The following RPGR variants were observed in gnomAD, a reference collection of about 807,000 sequenced individuals.
The protein encoded by RPGR is retinitis pigmentosa GTPase regulator, also known as X-linked retinitis pigmentosa GTPase regulator.
A neutral mutation model predicts 56.3 loss-of-function variants in RPGR; 10 were observed. The ratio of observed to expected loss-of-function variants is 0.18; its 90% CI spans 0.11 to 0.30. The LOEUF (loss-of-function observed/expected upper bound fraction) is 0.30. RPGR is among the 10% of genes least tolerant of loss of function. The pLI is 1.00. For synonymous variants in RPGR, 197 were observed against 212.9 expected (o/e 0.93, Z 0.65); for missense variants, 538 against 590.9 (o/e 0.91, Z 0.93).
chrX:38,273,422 T>C lies in RPGR; in HGVS notation c.2205A>G (p.Glu735=). The change falls in exon 18 of 19, where the codon GAA becomes GAG. Residue 735 remains glutamate (E), a synonymous_variant. Transcript: ENST00000642395. ...TTTTCATGTCTTTGCTTGGTGTTGT[T>C]TCACTGTTTTCTAGGATTTCTAATG... The C allele has an allele frequency of 1.7e-6, 2 of 1,206,708 alleles. No homozygotes were observed. The highest frequency in any genetic ancestry group is 2.2e-6 in the Non-Finnish European group (2 of 892,290).
At chrX:38,288,381 A>G (rs2067227381) in intron 13 of RPGR, among the ~76,000 whole-genome samples, 1 of 112,028 alleles carries the variant, frequency 8.9e-6, no homozygotes, top group South Asian at 3.7e-4. Context: ...TAAAACTTCG[A>G]GATTAATTTT....
chrX:38,299,212 A>T (rs1420638125), intron 9 of RPGR, 71 bp from the exon 10 acceptor site: 2 of 1,065,577 alleles, frequency 1.9e-6, no homozygotes, highest in Non-Finnish European at 2.6e-6. Context: ...AACAGTTATC[A>T]GCTGTAAGAC....
chrX:38,276,100 C>T (rs1028038657), intron 16 of RPGR, among the ~76,000 whole-genome samples: 1 of 111,920 alleles, frequency 8.9e-6, no homozygotes, highest in Admixed American at 9.5e-5. Context: ...TTCTCCTATT[C>T]CTTCTATACA....
At position 38,327,024 on chromosome X, in the gene RPGR, T is replaced by C. The variant is rs868226369; in HGVS notation, c.28+316A>G. The C allele has an allele frequency of 3.6e-4, 93 of 257,766 alleles. 2 individuals are homozygous for C. Among genetic ancestry groups the C allele is most frequent in the Middle Eastern group, 2.3e-3 (2 of 886 alleles). 21.2% of individuals were successfully genotyped at this position (257,766 alleles called of 1,213,427 possible). ...GTGAGCCGAGATTGCGCCATTGCAC[T>C]CCAGCCTGGGCAACAAGAGTGAAAC... On this transcript the variant is annotated intron_variant, in intron 1 of 18. Coordinates refer to ENST00000642395, the MANE Select transcript of RPGR (RefSeq NM_000328.3).
chrX:38,273,255 C>T, intron 18 of RPGR: 1 of 484,453 alleles, frequency 2.1e-6, no homozygotes, highest in South Asian at 3.0e-5. Context: ...TGCGACATCA[C>T]CTGAAATTCT....
intron 18 of RPGR, among the ~76,000 whole-genome samples, chrX:38,271,452 T>C (rs1268291950): frequency 1.8e-5 from 2 of 112,157 alleles, no homozygotes; most frequent in African/African-American, 3.2e-5. Flanking sequence ...TCAGAGGTCA[T>C]TAAGAACTGA....
At chrX:38,312,996 C>G (rs2067750659) in intron 6 of RPGR, among the ~76,000 whole-genome samples, 1 of 110,899 alleles carries the variant, frequency 9.0e-6, no homozygotes, top group Non-Finnish European at 1.9e-5. Context: ...GTTTACATTC[C>G]TTTAGGATCC....
At chrX:38,296,461 A>G (rs888637589) in intron 11 of RPGR, among the ~76,000 whole-genome samples, 1 of 112,055 alleles carries the variant, frequency 8.9e-6, no homozygotes, top group African/African-American at 3.2e-5. Context: ...CACTCCTAAG[A>G]TACACAAATA....
In RPGR at chrX:38,281,981, T is replaced by C. The variant is rs139445174; in HGVS notation, c.1905+5113A>G. On this transcript the variant is annotated intron_variant, in intron 15 of 18. Coordinates refer to ENST00000642395, the MANE Select transcript of RPGR (RefSeq NM_000328.3). The stretch of plus-strand genomic sequence containing the variant: ...CTTTTGGTTCATAAGCTCACATCAA[T>C]AACACTCTATTCTTATGTATATATT... Among the ~76,000 whole-genome samples the C allele has an allele frequency of 2.7e-3, 304 of 111,873 alleles. 2 individuals are homozygous for C. Among genetic ancestry groups the C allele is most frequent in the African/African-American group, 9.5e-3 (293 of 30,788 alleles).
chrX:38,280,119 G>C (rs1388253565), intron 15 of RPGR, among the ~76,000 whole-genome samples: 1 of 110,761 alleles, frequency 9.0e-6, no homozygotes, highest in Non-Finnish European at 1.9e-5. Context: ...AATAACATTA[G>C]CAATACCTAC....
chrX:38,323,402 T>C lies in RPGR; in HGVS notation c.151A>G (p.Thr51Ala), dbSNP rs757275147. ...TATTCAGGATTGTAATACTAACCGG[T>C]AACAACAGCAGAATGTTCATCTCCA... Residue 51 changes from threonine to alanine, a missense_variant, in exon 2 of 19, where the codon ACC becomes GCC. Around this residue, in one of 2 missense-constraint regions of RPGR, gnomAD observed 181 missense variants for 265.1 expected, o/e 0.68. Coordinates refer to ENST00000642395, the MANE Select transcript of RPGR (RefSeq NM_000328.3). The C allele has an allele frequency of 6.6e-6, 8 of 1,205,080 alleles. No individual in the cohort carries two copies. The highest frequency in any genetic ancestry group is 9.0e-6 in the Non-Finnish European group (8 of 889,906).
At chrX:38,324,208 G>A (rs1372912264) in intron 1 of RPGR, among the ~76,000 whole-genome samples, 2 of 111,710 alleles carry the variant, frequency 1.8e-5, no homozygotes, top group Non-Finnish European at 3.8e-5. Flanking sequence ...CTCAGCCTCT[G>A]GAGTAGCTAG....
rs2067203351 is a variant in RPGR, at chrX:38,287,238, T to C, written c.1761A>G (p.Pro587=). The change falls in exon 15 of 19, where the codon CCA becomes CCG. Residue 587 remains proline (P), a synonymous_variant. Transcript: ENST00000642395. ...AATCCTCTGCTCCTTCCTTCTCCTC[T>C]GGGATCTCTGACAAGCGATCACATT... 3 of 1,210,090 alleles carry C rather than the reference T, an allele frequency of 2.5e-6. No homozygotes were observed. The highest frequency in any genetic ancestry group is 1.7e-5 in the African/African-American group (1 of 57,842).
chrX:38,288,304 G>T (rs1473243632), intron 13 of RPGR, among the ~76,000 whole-genome samples: 3 of 111,603 alleles, frequency 2.7e-5, no homozygotes. Flanking sequence ...CCATAATTTT[G>T]CCATTAATCA....
At chrX:38,272,032 G>A (rs184011589) in intron 18 of RPGR, among the ~76,000 whole-genome samples, 1 of 111,851 alleles carries the variant, frequency 8.9e-6, no homozygotes, top group African/African-American at 3.2e-5. Flanking sequence ...TAAATAGGTA[G>A]GTTAAATAGC....
At chrX:38,295,684 C>T (rs1045957300) in intron 11 of RPGR, among the ~76,000 whole-genome samples, 4 of 111,571 alleles carry the variant, frequency 3.6e-5, no homozygotes, top group Non-Finnish European at 7.5e-5. Context: ...TATCAAGGTC[C>T]TAGTTATATA....
chrX:38,300,706 TG>T (rs1387728896), intron 9 of RPGR, among the ~76,000 whole-genome samples: 1 of 111,062 alleles, frequency 9.0e-6, no homozygotes, highest in Admixed American at 9.6e-5. Context: ...GGCTAATTTT[TG>T]TATTTTCATT....
intron 15 of RPGR, among the ~76,000 whole-genome samples, chrX:38,282,612 G>A (rs916741261): frequency 8.9e-6 from 1 of 111,951 alleles, no homozygotes; most frequent in African/African-American, 3.3e-5. Context: ...CGATCTTGCT[G>A]AATAGTACTC....
chrX:38,300,280 T>A (rs2067479312), intron 9 of RPGR, among the ~76,000 whole-genome samples: 1 of 111,722 alleles, frequency 9.0e-6, no homozygotes, highest in African/African-American at 3.3e-5. Flanking sequence ...CTTAGCACAC[T>A]ATCTTACCCA....
Sources: allele counts gnomAD v4.1 joint callset (sites outside exome capture counted in the v4.1 genomes callset), GRCh38; gene constraint gnomAD v4.1.1; regional missense constraint gnomAD v4.1.1; transcripts MANE v1.5; gene names NCBI Gene and HGNC (gene_info 2026-07-23, HGNC 2026-07-21).